The following ASAP1 variants were observed in gnomAD, a reference collection of about 807,000 sequenced individuals.
ASAP1 encodes the protein ArfGAP with SH3 domain, ankyrin repeat and PH domain 1, also known as arf-GAP with SH3 domain, ANK repeat and PH domain-containing protein 1.
A neutral mutation model predicts 145.2 loss-of-function variants in ASAP1; 43 were observed. The ratio of observed to expected loss-of-function variants is 0.30; its 90% CI spans 0.23 to 0.38. ASAP1 has a LOEUF of 0.38. Ranked by LOEUF, ASAP1 falls within the 10% of genes least tolerant of loss-of-function variation. ASAP1 has a pLI of 1.00. For missense variants in ASAP1, 1,018 were observed against 1,355.3 expected (o/e 0.75, Z 3.91); for synonymous variants, 546 against 515.5 (o/e 1.06, Z -0.80).
At chr8:130,131,090 T>C (rs953279543) in intron 15 of ASAP1, among the ~76,000 whole-genome samples, 8 of 151,562 alleles carry the variant, frequency 5.3e-5, no homozygotes, top group African/African-American at 1.7e-4. Flanking sequence ...CCGGGAGGCA[T>C]AGGTTGCAGT....
chr8:130,194,648 A>T (rs1815360978), intron 5 of ASAP1, among the ~76,000 whole-genome samples: 1 of 151,394 alleles, frequency 6.6e-6, no homozygotes, highest in African/African-American at 2.4e-5. Flanking sequence ...TCAGGATGAA[A>T]CTCTTCCACC....
chr8:130,066,035 G>A (rs993035702), intron 27 of ASAP1, among the ~76,000 whole-genome samples: 5 of 152,134 alleles, frequency 3.3e-5, no homozygotes, highest in Non-Finnish European at 5.9e-5. Context: ...TTATCATAAA[G>A]CTTATTTACA....
At chr8:130,244,049 GACT>G (rs1818702986) in intron 3 of ASAP1, among the ~76,000 whole-genome samples, 1 of 152,000 alleles carries the variant, frequency 6.6e-6, no homozygotes, top group Non-Finnish European at 1.5e-5. Flanking sequence ...TCATTTTAAA[GACT>G]TGTGTTAGTC....
Position 130,115,683 on chromosome 8 carries a change from T to C in ASAP1, c.2117A>G (p.Glu706Gly). The change falls in exon 23 of 30, where the codon GAG becomes GGG. Residue 706 changes from glutamate (E) to glycine (G), a missense_variant. Around this residue, in one of 9 missense-constraint regions of ASAP1, gnomAD observed 353 missense variants for 375.4 expected, o/e 0.94. Coordinates refer to ENST00000518721, the MANE Select transcript of ASAP1 (RefSeq NM_018482.4). ...TATCTCCTCCTGTCGAAGATTCCAC[T>C]CATATTCTACGTGGACGTGTGGATT... Reference protein sequence around the residue: ...KFNPHVHVEYEWNLRQEEIDE... With the variant: ...KFNPHVHVEYGWNLRQEEIDE... 1 of 1,614,194 alleles carries C rather than the reference T, an allele frequency of 6.2e-7. No homozygotes were observed. The highest frequency in any genetic ancestry group is 8.5e-7 in the Non-Finnish European group (1 of 1,180,008).
At chr8:130,122,517 A>G (rs2097568104) in intron 18 of ASAP1, among the ~76,000 whole-genome samples, 1 of 152,240 alleles carries the variant, frequency 6.6e-6, no homozygotes, top group African/African-American at 2.4e-5. Flanking sequence ...AGCACTAACT[A>G]TAGACCAAAT....
chr8:130,263,095 CCCTTTG>C (rs1345214099), intron 3 of ASAP1, among the ~76,000 whole-genome samples: 2 of 152,200 alleles, frequency 1.3e-5, no homozygotes, highest in Non-Finnish European at 2.9e-5. Context: ...ATGAATAGCT[CCCTTTG>C]ACTTGGCATA....
chr8:130,307,961 GCTTC>G (rs1279393755), intron 3 of ASAP1, among the ~76,000 whole-genome samples: 9 of 152,200 alleles, frequency 5.9e-5, no homozygotes, highest in African/African-American at 2.2e-4. Context: ...TCAGCAAGCA[GCTTC>G]CTTCCTCAAA....
At chr8:130,180,923 A>G in intron 7 of ASAP1, 43 bp from the exon 8 acceptor site, 1 of 1,538,532 alleles carries the variant, frequency 6.5e-7, no homozygotes, top group Non-Finnish European at 8.8e-7. Context: ...AAAAAAATAC[A>G]CTCATGTACA....
At chr8:130,225,824 T>G (rs1817556001) in intron 4 of ASAP1, among the ~76,000 whole-genome samples, 2 of 152,176 alleles carry the variant, frequency 1.3e-5, no homozygotes. Context: ...GAAACTAATA[T>G]GGAGCCTTTG....
intron 11 of ASAP1, among the ~76,000 whole-genome samples, chr8:130,165,723 A>G (rs1027245178): frequency 1.5e-4 from 23 of 152,220 alleles, no homozygotes; most frequent in African/African-American, 5.5e-4. Flanking sequence ...ACAGTGCTAT[A>G]GACTTCTCTC....
chr8:130,257,816 T>C (rs72724412), intron 3 of ASAP1, among the ~76,000 whole-genome samples: 5,248 of 133,824 alleles, frequency 0.039, 131 homozygotes, highest in Middle Eastern at 0.075. Flanking sequence ...TAGAAGTGCC[T>C]ACTAATCTCA....
intron 3 of ASAP1, among the ~76,000 whole-genome samples, chr8:130,252,436 C>G (rs895315300): frequency 9.9e-5 from 15 of 152,090 alleles, no homozygotes; most frequent in African/African-American, 2.4e-4. Context: ...ATCCTCTTAA[C>G]AGTGTCTTAT....
chr8:130,111,744 T>C (rs1045639716), intron 24 of ASAP1, among the ~76,000 whole-genome samples: 3 of 152,332 alleles, frequency 2.0e-5, no homozygotes, highest in East Asian at 1.9e-4. Context: ...GGACCTCAGA[T>C]TGAATCTCAA....
intron 3 of ASAP1, among the ~76,000 whole-genome samples, chr8:130,327,575 T>C (rs1235422090): frequency 6.6e-6 from 1 of 152,238 alleles, no homozygotes; most frequent in Non-Finnish European, 1.5e-5. Context: ...AGAAGATTAA[T>C]ATAAATATTT....
intron 5 of ASAP1, among the ~76,000 whole-genome samples, chr8:130,203,464 C>T (rs1278301091): frequency 3.9e-5 from 6 of 152,194 alleles, no homozygotes; most frequent in Non-Finnish European, 5.9e-5. Flanking sequence ...GCTGTAGGAC[C>T]TCCCAACAGT....
intron 3 of ASAP1, among the ~76,000 whole-genome samples, chr8:130,279,436 T>C (rs1821123762): frequency 1.3e-5 from 2 of 152,220 alleles, no homozygotes; most frequent in Admixed American, 1.3e-4. Context: ...TGGCAGATGT[T>C]AGAAATCCAC....
chr8:130,297,391 A>G (rs988189465), intron 3 of ASAP1, among the ~76,000 whole-genome samples: 1 of 152,198 alleles, frequency 6.6e-6, no homozygotes, highest in Admixed American at 6.5e-5. Context: ...GCTGAAGAAA[A>G]TCCACATATA....
chr8:130,155,563 G>A (rs1401079467), intron 12 of ASAP1, among the ~76,000 whole-genome samples: 1 of 152,044 alleles, frequency 6.6e-6, no homozygotes, highest in Non-Finnish European at 1.5e-5. Flanking sequence ...TTGCCATGTC[G>A]CCCAGGCTGG....
intron 14 of ASAP1, 71 bp downstream of exon 14, chr8:130,136,880 G>C (rs558177973): frequency 3.8e-6 from 5 of 1,308,772 alleles, no homozygotes; most frequent in Non-Finnish European, 5.5e-6. Flanking sequence ...AAAAGCTGCT[G>C]ACCTGGAGAA....
Sources: gnomAD v4.1 joint callset for allele counts (sites outside exome capture counted in the v4.1 genomes callset) on GRCh38, gnomAD v4.1.1 for gene constraint, gnomAD v4.1.1 regional missense constraint, MANE v1.5 for transcripts, NCBI Gene and HGNC (gene_info 2026-07-23, HGNC 2026-07-21) for gene names.